Variants in CLIP2 observed in about 807,000 individuals in gnomAD.
CLIP2 encodes CAP-Gly domain containing linker protein 2.
Under a neutral mutation model 111.7 loss-of-function variants are expected in CLIP2, and 41 were observed. The ratio of observed to expected loss-of-function variants is 0.37; its 90% CI spans 0.29 to 0.48. CLIP2 has a LOEUF of 0.48. Among genes scored for constraint, CLIP2 ranks in the 20% least tolerant of loss-of-function variants. CLIP2 has a pLI of 0.99. For missense variants in CLIP2, 1,160 were observed against 1,422.1 expected (o/e 0.82, Z 2.96); for synonymous variants, 660 against 644.2 (o/e 1.02, Z -0.37).
chr7:74,385,153 G>A (rs986581882), intron 11 of CLIP2, among the ~76,000 whole-genome samples: 2 of 150,728 alleles, frequency 1.3e-5, no homozygotes, highest in Admixed American at 6.6e-5. Flanking sequence ...AAGTTAGCCG[G>A]GTGTGGTGAT....
intron 4 of CLIP2, among the ~76,000 whole-genome samples, chr7:74,355,290 T>C (rs1554308281): frequency 6.6e-6 from 1 of 151,992 alleles, no homozygotes; most frequent in Non-Finnish European, 1.5e-5. Flanking sequence ...AAAGGCAGAA[T>C]GGGGCAGCGG....
At chr7:74,372,415 G>GGGGGGGGGGGGA (rs1790654230) in intron 8 of CLIP2, among the ~76,000 whole-genome samples, 1 of 118,936 alleles carries the variant, frequency 8.4e-6, no homozygotes, top group African/African-American at 3.0e-5. Context: ...GGGGGGGGGG[G>GGGGGGGGGGGGA]AGTCGAGCGG....
At chr7:74,291,713 C>G (rs1030120316) in intron 1 of CLIP2, among the ~76,000 whole-genome samples, 1 of 152,138 alleles carries the variant, frequency 6.6e-6, no homozygotes, top group Non-Finnish European at 1.5e-5. Context: ...CTTCAGCACC[C>G]TTGCTGGTTA....
At chr7:74,400,149 CAAAAAAAAAAA>C (rs781818573) in intron 14 of CLIP2, among the ~76,000 whole-genome samples, 60 of 55,556 alleles carry the variant, frequency 1.1e-3, no homozygotes, top group African/African-American at 3.8e-3. Context: ...GACTCTGTCT[CAAAAAAAAAAA>C]AAAAAAAAAA....
At chr7:74,395,943 C>T (rs1404472828) in intron 13 of CLIP2, among the ~76,000 whole-genome samples, 1 of 152,170 alleles carries the variant, frequency 6.6e-6, no homozygotes, top group Non-Finnish European at 1.5e-5. Flanking sequence ...GAAAGTCCAG[C>T]CATCACATCA....
At chr7:74,322,233 C>T (rs1366616984) in intron 2 of CLIP2, among the ~76,000 whole-genome samples, 2 of 151,568 alleles carry the variant, frequency 1.3e-5, no homozygotes, top group South Asian at 2.1e-4. Flanking sequence ...TCAAGTGATC[C>T]ACTGGCCTCG....
intron 13 of CLIP2, among the ~76,000 whole-genome samples, chr7:74,390,162 G>GA (rs1215571636): frequency 2.2e-4 from 19 of 84,914 alleles, no homozygotes; most frequent in Admixed American, 1.3e-3. Context: ...AAGAAAGAAA[G>GA]AAGAAAGAAA....
chr7:74,392,695 A>C (rs1452443585), intron 13 of CLIP2, among the ~76,000 whole-genome samples: 1 of 151,928 alleles, frequency 6.6e-6, no homozygotes, highest in Non-Finnish European at 1.5e-5. Flanking sequence ...GGTATGGTGA[A>C]GCACGCCTGT....
At chr7:74,359,021 G>A (rs1370490009) in intron 6 of CLIP2, among the ~76,000 whole-genome samples, 6 of 152,086 alleles carry the variant, frequency 3.9e-5, no homozygotes, top group Admixed American at 3.9e-4. Context: ...CTGGAGTGCA[G>A]TAACACGATC....
chr7:74,291,923 CTT>C (rs782577666), intron 1 of CLIP2, among the ~76,000 whole-genome samples: 15 of 132,790 alleles, frequency 1.1e-4, no homozygotes, highest in Admixed American at 2.3e-4. Flanking sequence ...ATCCTGCCCT[CTT>C]TTTTTTTTTT....
At chr7:74,357,513 C>T (rs1767819875) in intron 6 of CLIP2, 36 bp downstream of exon 6, 2 of 1,576,672 alleles carry the variant, frequency 1.3e-6, no homozygotes. Flanking sequence ...AGAGCTTCTC[C>T]AGCCAGCCTC....
In CLIP2 at chr7:74,357,460, A is replaced by C; in HGVS notation, c.1198A>C (p.Lys400Gln). The change falls in exon 6 of 17, where the codon AAG (lysine) becomes CAG (glutamine). Residue 400 changes from lysine (K) to glutamine (Q), a missense_variant. Physicochemically the swap from Lys to Gln is moderately conservative, Grantham distance 53 (BLOSUM62 1). Around this residue, in one of 5 missense-constraint regions of CLIP2, gnomAD observed 70 missense variants for 114.9 expected, o/e 0.61. Transcript: ENST00000223398. ...GGTGGAGAAGGAGATTGCCCTGCTC[A>C]AGGCACAGCATGAGCAGGTGAGTGG... is the stretch of plus-strand genomic sequence containing the variant. Reference protein sequence around the residue: ...CEVEKEIALLKAQHEQYVAEA... With the variant: ...CEVEKEIALLQAQHEQYVAEA... 1 of 1,613,308 alleles carries C rather than the reference A, an allele frequency of 6.2e-7. No homozygotes were observed. The highest frequency in any genetic ancestry group is 8.5e-7 in the Non-Finnish European group (1 of 1,179,676).
At position 74,376,015 on chromosome 7, in the gene CLIP2, C is replaced by T. The variant is rs141114661; in HGVS notation, c.1614C>T (p.Asp538=). The change falls in exon 10 of 17, where the codon GAC becomes GAT. Residue 538 remains aspartate, a synonymous_variant. Coordinates refer to ENST00000223398, the MANE Select transcript of CLIP2 (RefSeq NM_003388.5). This position sits in a 1 kb window ranked among gnomAD's most constrained non-coding sequence, Gnocchi z 7.1. ...HSGPPPPDHP[D]AAEILRLRER... ...GTCCCCCACCTCCGGACCACCCAGACGCCGCCGAGATCCTGCGGCTACGGG... is the reference window on the plus strand; with the variant it reads ...GTCCCCCACCTCCGGACCACCCAGATGCCGCCGAGATCCTGCGGCTACGGG... 6.8e-5 allele frequency: 110 copies of T among 1,612,612 alleles called. No homozygotes were observed. The highest frequency in any genetic ancestry group is 2.9e-4 in the African/African-American group (22 of 74,922).
rs11318033 is a variant in CLIP2 at position 74,324,818 on chromosome 7, G to GAA, written c.121+7170_121+7171dup. Among the ~76,000 whole-genome samples the GAA allele has an allele frequency of 3.7e-4, 35 of 95,160 alleles. No homozygotes were observed. In the East Asian group the frequency reaches 8.2e-3, roughly 22 times the overall value. The allele number at this position is 95,160 out of a possible 152,430, so 62.4% of individuals were successfully genotyped here. A position where few individuals can be genotyped will look rare whatever the true frequency, so the allele number is the denominator to read the frequency against. On this transcript the variant is annotated intron_variant, in intron 2 of 16. Coordinates refer to ENST00000223398, the MANE Select transcript of CLIP2 (RefSeq NM_003388.5). ...TTTTGTTCCTGTTCCAAGATCTTGAGAAAAAAAAAAAAAAAAAAAAGCCTC... is the reference window on the plus strand; with the variant it reads ...TTTTGTTCCTGTTCCAAGATCTTGAGAAAAAAAAAAAAAAAAAAAAAAGCCTC...
rs200008575 is a variant in CLIP2, at chr7:74,360,229, G to A, written c.1270G>A (p.Val424Met). Residue 424 changes from valine (V) to methionine (M), a missense_variant, in exon 7 of 17, where the codon GTG (valine) becomes ATG (methionine). Physicochemically the swap from Val to Met is conservative, Grantham distance 21. Coordinates refer to ENST00000223398, the MANE Select transcript of CLIP2 (RefSeq NM_003388.5). ...LQRARLLVES[V>M]RKEKVDLSNQ... Reference sequence around the variant, plus strand: ...GCGAGCCCGGCTGCTCGTGGAGAGCGTGCGGAAAGAGAAGGTGGACCTGTC... The same window carrying A: ...GCGAGCCCGGCTGCTCGTGGAGAGCATGCGGAAAGAGAAGGTGGACCTGTC... 4.4e-5 allele frequency: 71 copies of A among 1,607,928 alleles called. No individual in the cohort carries two copies. The highest frequency in any genetic ancestry group is 1.2e-4 in the African/African-American group (9 of 74,862).
At chr7:74,372,057 G>A (rs1432744696) in intron 8 of CLIP2, among the ~76,000 whole-genome samples, 4 of 152,054 alleles carry the variant, frequency 2.6e-5, no homozygotes, top group Non-Finnish European at 4.4e-5. Context: ...TTCTCCCTAA[G>A]ATGAACTTGG....
intron 4 of CLIP2, among the ~76,000 whole-genome samples, chr7:74,355,464 G>T (rs1790118170): frequency 6.6e-6 from 1 of 152,288 alleles, no homozygotes; most frequent in African/African-American, 2.4e-5. Context: ...ACAAAAATTA[G>T]CTGGGCGTAG....
intron 10 of CLIP2, among the ~76,000 whole-genome samples, chr7:74,378,300 A>T (rs563528786): frequency 4.0e-5 from 6 of 149,950 alleles, no homozygotes; most frequent in Non-Finnish European, 8.9e-5. Flanking sequence ...GCTAATTTTT[A>T]TAGTTTTTGT....
At chr7:74,387,210 T>A (rs1554314949) in intron 12 of CLIP2, among the ~76,000 whole-genome samples, 2 of 152,000 alleles carry the variant, frequency 1.3e-5, no homozygotes, top group African/African-American at 4.8e-5. Context: ...GTTCCCTCTT[T>A]CTGGTCCTGA....
Sources: gnomAD v4.1 joint callset for allele counts (sites outside exome capture counted in the v4.1 genomes callset) on GRCh38, gnomAD v4.1.1 for gene constraint, gnomAD v4.1.1 regional missense constraint, Gnocchi (gnomAD v3.1) non-coding constraint, MANE v1.5 for transcripts, NCBI Gene and HGNC (gene_info 2026-07-23, HGNC 2026-07-21) for gene names.